HS3ST4: variants seen among roughly 807,000 people sequenced by gnomAD.
HS3ST4 encodes heparan sulfate glucosamine 3-O-sulfotransferase 4.
In HS3ST4, 17 loss-of-function variants were observed where a neutral mutation model predicts 29.2. The ratio of observed to expected loss-of-function variants is 0.58; its 90% CI spans 0.40 to 0.87. The LOEUF is 0.87. Among genes scored for constraint, HS3ST4 ranks in the 40% least tolerant of loss-of-function variants. The pLI is 0.00. For synonymous variants in HS3ST4, 314 were observed against 285.7 expected (o/e 1.10, Z -1.00); for missense variants, 627 against 634.5 (o/e 0.99, Z 0.13).
intron 1 of HS3ST4, among the ~76,000 whole-genome samples, chr16:25,851,223 A>T (rs1361227620): frequency 1.3e-5 from 2 of 152,164 alleles, no homozygotes; most frequent in Non-Finnish European, 1.5e-5. Context: ...ATGCAGATGG[A>T]TGCCTGGCGG....
chr16:25,729,185 G>T (rs965459772), intron 1 of HS3ST4, among the ~76,000 whole-genome samples: 3 of 152,202 alleles, frequency 2.0e-5, no homozygotes, highest in Non-Finnish European at 4.4e-5. Context: ...GGCTAAGAGT[G>T]ACAAACCAAG....
chr16:25,709,346 T>A (rs1192329750), intron 1 of HS3ST4, among the ~76,000 whole-genome samples: 1 of 152,158 alleles, frequency 6.6e-6, no homozygotes, highest in Non-Finnish European at 1.5e-5. Context: ...GCGGTTTCTG[T>A]TGCCAGCGGG....
intron 1 of HS3ST4, among the ~76,000 whole-genome samples, chr16:25,944,904 A>G (rs971902805): frequency 1.3e-5 from 2 of 152,252 alleles, no homozygotes; most frequent in Non-Finnish European, 1.5e-5. Context: ...ATTTCACTCA[A>G]CTGAGTTCCT....
At chr16:26,123,357 C>T (rs144026050) in intron 1 of HS3ST4, among the ~76,000 whole-genome samples, 2 of 152,280 alleles carry the variant, frequency 1.3e-5, no homozygotes, top group African/African-American at 2.4e-5. Context: ...ACACCTCTGT[C>T]AAGATGACGA....
At chr16:25,999,873 T>TTATATATTA in intron 1 of HS3ST4, among the ~76,000 whole-genome samples, 1 of 125,752 alleles carries the variant, frequency 8.0e-6, no homozygotes, top group Non-Finnish European at 1.6e-5. Flanking sequence ...ATTATATATT[T>TTATATATTA]TATATATATT....
intron 1 of HS3ST4, among the ~76,000 whole-genome samples, chr16:25,980,840 G>A (rs894640270): frequency 6.6e-6 from 1 of 152,188 alleles, no homozygotes; most frequent in Non-Finnish European, 1.5e-5. Flanking sequence ...TCAGGCAGGA[G>A]GTGGACAGAG....
At chr16:25,791,480 A>G (rs1246903479) in intron 1 of HS3ST4, among the ~76,000 whole-genome samples, 3 of 152,052 alleles carry the variant, frequency 2.0e-5, no homozygotes, top group African/African-American at 7.2e-5. Flanking sequence ...ATTACCCCCA[A>G]ATTTACAGCC....
At position 25,754,453 on chromosome 16, in the gene HS3ST4, A is replaced by G. The variant is rs1269523381; in HGVS notation, c.734+61302A>G. Among the ~76,000 whole-genome samples the G allele has an allele frequency of 3.3e-5, 5 of 151,734 alleles. No individual in the cohort carries two copies. The East Asian group carries it at 7.8e-4, about 24-fold the overall frequency. ...CACCCATCCATCTATCCATCCATCC[A>G]TCTACCCATCCATCCACCCATCCAC... On this transcript the variant is annotated intron_variant, in intron 1 of 1. Coordinates refer to ENST00000331351, the MANE Select transcript of HS3ST4 (RefSeq NM_006040.3).
intron 1 of HS3ST4, among the ~76,000 whole-genome samples, chr16:25,852,972 A>G (rs1967536663): frequency 6.6e-6 from 1 of 152,014 alleles, no homozygotes; most frequent in South Asian, 2.1e-4. Context: ...AGTTAGTTCC[A>G]CCAGTCTTCT....
intron 1 of HS3ST4, among the ~76,000 whole-genome samples, chr16:25,980,033 GTCCTGGTCT>G (rs1968988378): frequency 6.6e-6 from 1 of 151,924 alleles, no homozygotes; most frequent in Non-Finnish European, 1.5e-5. Flanking sequence ...CACTACCTCC[GTCCTGGTCT>G]TCCTGCCTCT....
chr16:26,010,181 C>A (rs778021923), intron 1 of HS3ST4, among the ~76,000 whole-genome samples: 3 of 152,100 alleles, frequency 2.0e-5, no homozygotes, highest in Non-Finnish European at 4.4e-5. Context: ...TGGCCCGGCG[C>A]GGTGACTCAT....
intron 1 of HS3ST4, among the ~76,000 whole-genome samples, chr16:26,080,188 CTCCT>C (rs890861993): frequency 2.0e-5 from 3 of 151,994 alleles, no homozygotes; most frequent in Admixed American, 2.0e-4. Flanking sequence ...GATTAGCTAG[CTCCT>C]TCCTTCCTTC....
At chr16:26,049,470 CTGTGTG>C (rs113562359) in intron 1 of HS3ST4, among the ~76,000 whole-genome samples, 7 of 145,080 alleles carry the variant, frequency 4.8e-5, no homozygotes, top group African/African-American at 1.0e-4. Flanking sequence ...ATGCGTGCCT[CTGTGTG>C]TGTGTGTGTG....
chr16:25,865,154 A>G (rs1421545114), intron 1 of HS3ST4, among the ~76,000 whole-genome samples: 1 of 152,194 alleles, frequency 6.6e-6, no homozygotes, highest in East Asian at 1.9e-4. Flanking sequence ...TCCTTTGGAT[A>G]TATGCCCAGA....
intron 1 of HS3ST4, among the ~76,000 whole-genome samples, chr16:25,864,947 T>C (rs9941152): frequency 1.3e-4 from 10 of 78,194 alleles, no homozygotes; most frequent in Non-Finnish European, 1.8e-4. Context: ...TACACACACA[T>C]ATATATATAC....
intron 1 of HS3ST4, among the ~76,000 whole-genome samples, chr16:26,112,016 A>AAC (rs1899137411): frequency 6.7e-6 from 1 of 148,362 alleles, no homozygotes; most frequent in African/African-American, 2.6e-5. Context: ...ACTCCACTCA[A>AAC]AAAAAAAAAA....
intron 1 of HS3ST4, among the ~76,000 whole-genome samples, chr16:25,728,199 A>G (rs949285970): frequency 1.3e-5 from 2 of 152,130 alleles, no homozygotes; most frequent in African/African-American, 4.8e-5. Flanking sequence ...ACAGGGTTTC[A>G]CCATGTTGGC....
rs190157054 is a variant in HS3ST4 at position 26,075,390 on chromosome 16, C to T, written c.735-60222C>T. Among the ~76,000 whole-genome samples the T allele has an allele frequency of 8.0e-4, 122 of 152,218 alleles. 1 individual carries two copies. The highest frequency in any genetic ancestry group is 2.4e-3 in the African/African-American group (100 of 41,532). ...TCCCTCTTATTAGGTAGTAATTACC[C>T]GAGAACAGGGGCAATGCTGTATTTC... On this transcript the variant is annotated intron_variant, in intron 1 of 1. Coordinates refer to ENST00000331351, the MANE Select transcript of HS3ST4 (RefSeq NM_006040.3).
At chr16:25,946,860 A>G (rs1033597499) in intron 1 of HS3ST4, among the ~76,000 whole-genome samples, 1 of 152,148 alleles carries the variant, frequency 6.6e-6, no homozygotes, top group African/African-American at 2.4e-5. Context: ...AGGCAGGTGC[A>G]AAAGTCTTGT....
Sources: gnomAD v4.1 joint callset for allele counts (sites outside exome capture counted in the v4.1 genomes callset) on GRCh38, gnomAD v4.1.1 for gene constraint, MANE v1.5 for transcripts, NCBI Gene and HGNC (gene_info 2026-07-23, HGNC 2026-07-21) for gene names.